The following EIF5A variants were observed in gnomAD, a reference collection of about 807,000 sequenced individuals.
EIF5A encodes the protein eukaryotic translation initiation factor 5A.
In EIF5A, 1 loss-of-function variant was observed where a neutral mutation model predicts 16.6. That is an observed-to-expected ratio of 0.06 (90% CI 0.02 to 0.28). The LOEUF is 0.28. Ranked by LOEUF, EIF5A falls within the 10% of genes least tolerant of loss-of-function variation. The pLI, the probability that EIF5A is intolerant of heterozygous loss-of-function variation, is 1.00. For synonymous variants in EIF5A, 80 were observed against 73.6 expected, an observed-to-expected ratio of 1.09 and a Z score of -0.44; for missense variants, 29 against 196.1, an observed-to-expected ratio of 0.15 and a Z score of 5.09.
At chr17:7,308,025 AC>A (rs1485897754) in intron 1 of EIF5A, 2 of 984,620 alleles carry the variant, frequency 2.0e-6, no homozygotes, top group African/African-American at 3.5e-5. Context: ...CCAGGCGGCC[AC>A]GCCGGGGCGA....
chr17:7,308,056 C>G, intron 1 of EIF5A: 4 of 986,600 alleles, frequency 4.1e-6, no homozygotes, highest in Non-Finnish European at 4.8e-6. Flanking sequence ...GCCAGATCGG[C>G]CCACCGGGGC....
Position 7,311,662 on chromosome 17 carries a change from CA to C in EIF5A, c.*11+14del. The C allele has an allele frequency of 6.2e-7, 1 of 1,613,850 alleles. No individual in the cohort carries two copies. The highest frequency in any genetic ancestry group is 2.2e-5 in the East Asian group (1 of 44,894). ...ATAACTGGCTCCCAGGTGAGTGTGA[CA>C]AATCCCTCACTGTCCCCTTCACATT... On this transcript the variant is annotated intron_variant, in intron 5 of 5. Coordinates refer to ENST00000336458, the MANE Select transcript of EIF5A (RefSeq NM_001970.5).
chr17:7,308,256 G>T (rs560261063), intron 1 of EIF5A: 194 of 1,046,952 alleles, frequency 1.9e-4, no homozygotes, highest in Admixed American at 6.3e-4. Context: ...CCCACGGGAG[G>T]CTGCCCTCGG....
chr17:7,308,967 G>T (rs191160813), intron 1 of EIF5A, among the ~76,000 whole-genome samples: 10 of 152,298 alleles, frequency 6.6e-5, no homozygotes, highest in Admixed American at 2.0e-4. Flanking sequence ...TGGGTTCCTG[G>T]GTTCTCTTTG....
In EIF5A at chr17:7,309,911, C is replaced by CT. The variant is rs759834799; in HGVS notation, c.165+112dup. 1.7e-5 allele frequency: 28 copies of CT among 1,606,872 alleles called. No individual in the cohort carries two copies. In the South Asian group the frequency reaches 3.1e-4, roughly 18 times the overall value. On this transcript the variant is annotated intron_variant, in intron 2 of 5. Transcript: ENST00000336458. ...TTTCCTTTAACTCTGCTTTTACTGT[C>CT]TGATTGTTTTTGTTTAGCGCTCAGC... is the stretch of plus-strand genomic sequence containing the variant.
At position 7,311,821 on chromosome 17, in the gene EIF5A, GGGTGGC is replaced by G; in HGVS notation, c.*17_*22del. On this transcript the variant is annotated splice_region_variant and 3_prime_UTR_variant, in exon 6 of 6. Transcript: ENST00000336458. ...CTTACTAATTTCTCTCTCCTACCTA[GGGTGGC>G]GGTGGTGGCAGCAGTGATCCTCTGA... 1.1e-6 allele frequency: 1 copy of G among 947,846 alleles called. No individual in the cohort carries two copies. The highest frequency in any genetic ancestry group is 1.6e-5 in the African/African-American group (1 of 60,834). 58.7% of individuals were successfully genotyped at this position (947,846 alleles called of 1,614,324 possible).
At chr17:7,307,429 A>G (rs2072655182), upstream of EIF5A, 1 of 1,061,520 alleles carries the variant, frequency 9.4e-7, no homozygotes. Context: ...CGCGTTGCAG[A>G]TTAGTTGAAA....
chr17:7,310,114 TTTTCAC>T, intron 2 of EIF5A: 1 of 1,343,216 alleles, frequency 7.4e-7, no homozygotes, highest in East Asian at 4.4e-5. Flanking sequence ...TTATTCTTGG[TTTTCAC>T]TTTTTCTTTC....
chr17:7,307,351 G>T (rs1305096686), upstream of EIF5A: 7 of 1,236,850 alleles, frequency 5.7e-6, no homozygotes. Flanking sequence ...GGACTGCCCG[G>T]TAGGACGAGC....
rs1428901391 is a variant in EIF5A at position 7,311,092 on chromosome 17, T to C, written c.240T>C (p.Asp80=). Residue 80 remains aspartate, a synonymous_variant, in exon 3 of 6, where the codon GAT becomes GAC. Transcript: ENST00000336458. ...TCTGCCCGTCAACTCATAATATGGA[T>C]GTCCCCAACATCAAAAGGAATGACT... ...EDICPSTHNM[D]VPNIKRNDFQ... 1 of 1,613,850 alleles carries C rather than the reference T, an allele frequency of 6.2e-7. No homozygotes were observed. The highest frequency in any genetic ancestry group is 8.5e-7 in the Non-Finnish European group (1 of 1,179,814).
At chr17:7,310,528 C>CCT (rs1373475165) in intron 2 of EIF5A, 1 of 1,131,314 alleles carries the variant, frequency 8.8e-7, no homozygotes, top group African/African-American at 1.7e-5. Flanking sequence ...TGTCTGGATC[C>CCT]CTCTCTGTGC....
At chr17:7,307,127 A>G, upstream of EIF5A, 2 of 1,587,624 alleles carry the variant, frequency 1.3e-6, no homozygotes, top group Non-Finnish European at 1.7e-6. Flanking sequence ...TGAGTCGTTT[A>G]AGTCCAGTTA....
intron 1 of EIF5A, chr17:7,308,094 G>A: frequency 1.0e-6 from 1 of 992,624 alleles, no homozygotes; most frequent in African/African-American, 1.8e-5. Context: ...TGAGGACCCG[G>A]CTCAGCGCGG....
intron 1 of EIF5A, chr17:7,307,999 C>T (rs1274816738): frequency 7.1e-6 from 7 of 985,114 alleles, no homozygotes; most frequent in South Asian, 9.3e-5. Flanking sequence ...GCGAGGCAGC[C>T]ACGCGGGAGA....
At chr17:7,310,151 G>A (rs1419650167) in intron 2 of EIF5A, 1 of 1,302,714 alleles carries the variant, frequency 7.7e-7, no homozygotes, top group Non-Finnish European at 1.0e-6. Flanking sequence ...CCGTTGTTAA[G>A]TGGTTGCTTC....
Position 7,311,086 on chromosome 17 carries a change from T to C in EIF5A, c.234T>C (p.Asn78=). 1.9e-6 allele frequency: 3 copies of C among 1,613,868 alleles called. No homozygotes were observed. Among genetic ancestry groups the C allele is most frequent in the Non-Finnish European group, 2.5e-6 (3 of 1,179,832 alleles). ...AAGATATCTGCCCGTCAACTCATAA[T>C]ATGGATGTCCCCAACATCAAAAGGA... The part of the protein sequence containing the change: ...KYEDICPSTH[N]MDVPNIKRND... Residue 78 remains asparagine (N), a synonymous_variant, in exon 3 of 6, where the codon AAT becomes AAC. Coordinates refer to ENST00000336458, the MANE Select transcript of EIF5A (RefSeq NM_001970.5).
At chr17:7,309,973 G>GT in intron 2 of EIF5A, 173 bp downstream of exon 2, 4 of 1,537,838 alleles carry the variant, frequency 2.6e-6, no homozygotes, top group Non-Finnish European at 3.5e-6. Flanking sequence ...CTGCTCCCCA[G>GT]TCTTCAGCCT....
At position 7,309,628 on chromosome 17, in the gene EIF5A, C is replaced by T; in HGVS notation, c.-8C>T. 1 of 1,614,196 alleles carries T rather than the reference C, an allele frequency of 6.2e-7. No individual in the cohort carries two copies. The highest frequency in any genetic ancestry group is 1.1e-5 in the South Asian group (1 of 91,080). ...TCTTGGCTCTAGTTGGAATCGAAGCCTCTTAAAATGGCAGATGACTTGGAC... is the reference window on the plus strand; with the variant it reads ...TCTTGGCTCTAGTTGGAATCGAAGCTTCTTAAAATGGCAGATGACTTGGAC... On this transcript the variant is annotated 5_prime_UTR_variant, in exon 2 of 6. Transcript: ENST00000336458.
intron 1 of EIF5A, chr17:7,308,041 C>T: frequency 1.0e-6 from 1 of 984,498 alleles, no homozygotes; most frequent in Non-Finnish European, 1.2e-6. Context: ...GGGCGAGGGC[C>T]AGGGGCCAGA....
Sources: allele counts gnomAD v4.1 joint callset (sites outside exome capture counted in the v4.1 genomes callset), GRCh38; gene constraint gnomAD v4.1.1; transcripts MANE v1.5; gene names NCBI Gene and HGNC (gene_info 2026-07-23, HGNC 2026-07-21).